The following RMDN2 variants were observed in gnomAD, a reference collection of about 807,000 sequenced individuals.
RMDN2 encodes the protein regulator of microtubule dynamics 2.
RMDN2 carries 61 observed loss-of-function variants against 52.8 expected under a neutral mutation model. The ratio of observed to expected loss-of-function variants is 1.16; its 90% confidence interval spans 0.94 to 1.43. The LOEUF (loss-of-function observed/expected upper bound fraction) is 1.43. RMDN2 is among the 40% of genes most tolerant of loss of function. The probability of loss-of-function intolerance (pLI) is 0.00; values close to 1 mark genes in which losing one functional copy is unlikely to be tolerated. For missense variants in RMDN2, 592 were observed against 475.3 expected, an observed-to-expected ratio of 1.25 and a Z score of -2.28; for synonymous variants, 180 against 153.1, an observed-to-expected ratio of 1.18 and a Z score of -1.30.
At chr2:37,932,819 A>AC (rs1334179682) in intron 2 of RMDN2, among the ~76,000 whole-genome samples, 7 of 93,328 alleles carry the variant, frequency 7.5e-5, no homozygotes, top group African/African-American at 2.1e-4. Flanking sequence ...CGGGGGGCTG[A>AC]CCCCCCGACC....
chr2:38,010,990 T>A (rs959745709), intron 10 of RMDN2, among the ~76,000 whole-genome samples: 3 of 152,206 alleles, frequency 2.0e-5, no homozygotes, highest in Non-Finnish European at 4.4e-5. Context: ...TGATCCTTGT[T>A]AGATGTAAGA....
chr2:38,041,650 A>T (rs1680961386), intron 10 of RMDN2, among the ~76,000 whole-genome samples: 1 of 152,012 alleles, frequency 6.6e-6, no homozygotes, highest in Admixed American at 6.5e-5. Flanking sequence ...GAGAGTTTTT[A>T]TCATGAATGG....
intron 5 of RMDN2, among the ~76,000 whole-genome samples, chr2:37,984,708 G>C (rs947534750): frequency 4.6e-5 from 7 of 152,108 alleles, no homozygotes; most frequent in Non-Finnish European, 1.0e-4. Context: ...AATGATTAAG[G>C]ATATATTCAC....
rs1490933830 is a variant in RMDN2 at position 38,017,260 on chromosome 2, A to G, written c.*21A>G. On this transcript the variant is annotated 3_prime_UTR_variant, in exon 11 of 11. Coordinates refer to ENST00000354545, the MANE Select transcript of RMDN2 (RefSeq NM_001170791.3). ...GGTAAATAAACGAATTTACTCTTCA[A>G]CAAATCAGATGTGGTCTACCAAAAT... is the stretch of plus-strand genomic sequence containing the variant. The G allele has an allele frequency of 3.3e-6, 5 of 1,513,354 alleles. No individual in the cohort carries two copies. The highest frequency in any genetic ancestry group is 2.5e-5 in the East Asian group (1 of 39,972). 93.7% of individuals were successfully genotyped at this position (1,513,354 alleles called of 1,614,324 possible). A position where few individuals can be genotyped will look rare whatever the true frequency, so the allele number is the denominator to read the frequency against.
intron 10 of RMDN2, among the ~76,000 whole-genome samples, chr2:38,048,881 C>T (rs1378740533): frequency 6.6e-6 from 1 of 152,172 alleles, no homozygotes; most frequent in African/African-American, 2.4e-5. Context: ...TGCAGTTGCA[C>T]AAAAGATTTT....
At chr2:38,031,256 C>CTTTTT (rs552306141) in intron 10 of RMDN2, among the ~76,000 whole-genome samples, 146 of 105,786 alleles carry the variant, frequency 1.4e-3, no homozygotes, top group Non-Finnish European at 1.9e-3. Flanking sequence ...CTTTGTTTCC[C>CTTTTT]TTTTTTTTTT....
Position 37,974,282 on chromosome 2 carries a change from T to C in RMDN2, c.627+68T>C, listed in dbSNP as rs1450974634. 4.0e-6 allele frequency: 4 copies of C among 1,000,442 alleles called. No homozygotes were observed. In the African/African-American group the frequency reaches 5.0e-5, roughly 13 times the overall value. 62.0% of individuals were successfully genotyped at this position (1,000,442 alleles called of 1,614,324 possible). On this transcript the variant is annotated intron_variant, in intron 3 of 10. Coordinates refer to ENST00000354545, the MANE Select transcript of RMDN2 (RefSeq NM_001170791.3). ...AATTTAATCTGCCATCTGTTTCAGT[T>C]ATAACTATAATAATTGTGTCATGGT...
chr2:38,042,900 A>T (rs1429217125), intron 10 of RMDN2, among the ~76,000 whole-genome samples: 1 of 152,126 alleles, frequency 6.6e-6, no homozygotes, highest in Non-Finnish European at 1.5e-5. Context: ...TTGTCAAGGT[A>T]TATTTTATGG....
In RMDN2 at chr2:37,951,329, A is replaced by G. The variant is rs759148387; in HGVS notation, c.452+21600A>G. 5 of 1,612,996 alleles carry G rather than the reference A, an allele frequency of 3.1e-6. 1 individual carries two copies. The African/African-American group carries it at 4.0e-5, about 13-fold the overall frequency. Reference sequence around the variant, plus strand: ...GTGGAGCCTCTTCTATTTCACAACCAAGTATATCTCTTGGTCATAAAACAT... The same window carrying G: ...GTGGAGCCTCTTCTATTTCACAACCGAGTATATCTCTTGGTCATAAAACAT... On this transcript the variant is annotated intron_variant, in intron 2 of 10. Transcript: ENST00000354545.
At chr2:37,994,150 T>C (rs1330714118) in intron 7 of RMDN2, among the ~76,000 whole-genome samples, 1 of 152,096 alleles carries the variant, frequency 6.6e-6, no homozygotes, top group East Asian at 1.9e-4. Context: ...CCAACAGTAA[T>C]GACAGTCAGC....
chr2:38,015,010 A>G (rs1206209394), intron 10 of RMDN2, among the ~76,000 whole-genome samples: 1 of 152,266 alleles, frequency 6.6e-6, no homozygotes, highest in Non-Finnish European at 1.5e-5. Context: ...GGAAATTAGA[A>G]TTTAAACCCA....
At chr2:37,972,612 A>C (rs933701209) in intron 2 of RMDN2, among the ~76,000 whole-genome samples, 3 of 152,138 alleles carry the variant, frequency 2.0e-5, no homozygotes, top group African/African-American at 7.2e-5. Flanking sequence ...TATTCTTGCT[A>C]CTCTGTTGAG....
chr2:37,973,013 G>A (rs950916694), intron 2 of RMDN2, among the ~76,000 whole-genome samples: 5 of 152,210 alleles, frequency 3.3e-5, no homozygotes, highest in Non-Finnish European at 7.3e-5. Flanking sequence ...GCTGCAAGTT[G>A]TGAAGCTGAT....
chr2:38,021,967 C>A (rs1348606614), downstream of RMDN2, among the ~76,000 whole-genome samples: 1 of 152,186 alleles, frequency 6.6e-6, no homozygotes, highest in African/African-American at 2.4e-5. Context: ...TCAATTTAAT[C>A]CTCTGTCCAA....
At chr2:38,050,974 G>T (rs1182037711) in intron 10 of RMDN2, among the ~76,000 whole-genome samples, 1 of 152,100 alleles carries the variant, frequency 6.6e-6, no homozygotes, top group Non-Finnish European at 1.5e-5. Flanking sequence ...TATTGGCCAG[G>T]CTGGTCTCAA....
intron 10 of RMDN2, among the ~76,000 whole-genome samples, chr2:38,062,515 A>G (rs1682093209): frequency 6.6e-6 from 1 of 152,180 alleles, no homozygotes; most frequent in Non-Finnish European, 1.5e-5. Flanking sequence ...GTCATGATGA[A>G]TGCAGCTGCT....
chr2:37,923,711 G>A (rs1666095927), upstream of RMDN2, among the ~76,000 whole-genome samples: 1 of 152,176 alleles, frequency 6.6e-6, no homozygotes, highest in Admixed American at 6.5e-5. Context: ...AAATCTGAGA[G>A]GTTAAAGATT....
chr2:38,050,394 A>C (rs72889721), intron 10 of RMDN2, among the ~76,000 whole-genome samples: 94 of 152,160 alleles, frequency 6.2e-4, no homozygotes, highest in African/African-American at 2.0e-3. Context: ...ATATCCCCAC[A>C]TACAGCCCCA....
upstream of RMDN2, among the ~76,000 whole-genome samples, chr2:37,924,556 G>C (rs1158924828): frequency 2.0e-5 from 3 of 151,990 alleles, no homozygotes; most frequent in East Asian, 5.8e-4. Context: ...AGTAGAGACA[G>C]GGGTTTCGCC....
Sources: gnomAD v4.1 joint callset for allele counts (sites outside exome capture counted in the v4.1 genomes callset) on GRCh38, gnomAD v4.1.1 for gene constraint, MANE v1.5 for transcripts, NCBI Gene and HGNC (gene_info 2026-07-23, HGNC 2026-07-21) for gene names.